LRTM3: variants seen among roughly 807,000 people sequenced by gnomAD.
LRTM3 encodes leucine rich repeat transmembrane protein 3, also known as leucine-rich repeat transmembrane protein 3.
At chr13:102,748,121 C>T in the LRTM3 span, 4 of 1,550,930 alleles carry the variant, frequency 2.6e-6, no homozygotes, top group Non-Finnish European at 3.5e-6. Context: ...TTTTGATATG[C>T]TATGTGTTTC....
the LRTM3 span, chr13:102,759,000 A>C: frequency 4.2e-6 from 4 of 945,708 alleles, no homozygotes; most frequent in African/African-American, 1.7e-5. Flanking sequence ...GCCCTGAAAT[A>C]TAAAACCTCG....
At chr13:102,752,555 G>T in the LRTM3 span, among the ~76,000 whole-genome samples, 5 of 152,132 alleles carry the variant, frequency 3.3e-5, no homozygotes, top group Non-Finnish European at 7.4e-5. Context: ...AGAATTTGGG[G>T]TATTTTAGGC....
chr13:102,749,201 GT>G, the LRTM3 span: 2 of 1,550,422 alleles, frequency 1.3e-6, no homozygotes, highest in Non-Finnish European at 1.7e-6. Flanking sequence ...TGAAGTTGGT[GT>G]TTTTTTGGCT....
chr13:102,732,291 T>A, the LRTM3 span: 1 of 1,551,352 alleles, frequency 6.4e-7, no homozygotes, highest in Non-Finnish European at 8.7e-7. Flanking sequence ...ACATCTTTAC[T>A]CCACGAAGCT....
the LRTM3 span, chr13:102,749,894 C>T: frequency 6.4e-7 from 1 of 1,551,424 alleles, no homozygotes; most frequent in Non-Finnish European, 8.7e-7. Context: ...ATAAGTAGTT[C>T]TGCTCCCTAA....
the LRTM3 span, chr13:102,742,351 T>A: frequency 2.6e-6 from 4 of 1,548,190 alleles, no homozygotes; most frequent in Non-Finnish European, 3.5e-6. Context: ...GTCTTATGAT[T>A]TTAGGAGAAA....
At chr13:102,738,989 T>A in the LRTM3 span, 1 of 1,550,516 alleles carries the variant, frequency 6.4e-7, no homozygotes, top group Non-Finnish European at 8.7e-7. Flanking sequence ...TAAACTATCA[T>A]CAATTGGCTG....
At chr13:102,738,226 G>A in the LRTM3 span, 129 of 1,550,272 alleles carry the variant, frequency 8.3e-5, no homozygotes, top group African/African-American at 1.2e-3. Context: ...TTACTTCATC[G>A]TCTTCTTTCT....
chr13:102,754,587 A>G, the LRTM3 span, among the ~76,000 whole-genome samples: 2,493 of 152,222 alleles, frequency 0.016, 87 homozygotes, highest in African/African-American at 0.058. Flanking sequence ...AACCACTCAT[A>G]TATGTTTAAA....
chr13:102,733,176 C>T, the LRTM3 span: 1 of 1,551,460 alleles, frequency 6.4e-7, no homozygotes, highest in Non-Finnish European at 8.7e-7. Flanking sequence ...TGCCCATGTT[C>T]ACACCGTCGG....
chr13:102,730,929 G>T, the LRTM3 span: 2 of 1,551,348 alleles, frequency 1.3e-6, no homozygotes, highest in South Asian at 2.4e-5. Flanking sequence ...AAACCAGGAT[G>T]AATACAGTTA....
the LRTM3 span, among the ~76,000 whole-genome samples, chr13:102,752,460 T>C: frequency 1.3e-5 from 2 of 152,194 alleles, no homozygotes; most frequent in Non-Finnish European, 2.9e-5. Flanking sequence ...GGCTGCAACC[T>C]TTTATGAGCG....
the LRTM3 span, chr13:102,736,142 G>A: frequency 3.2e-6 from 5 of 1,543,084 alleles, no homozygotes; most frequent in Non-Finnish European, 4.4e-6. Context: ...GCTTTTTCCT[G>A]CACCTGATGA....
chr13:102,739,545 T>C, the LRTM3 span: 4 of 1,550,324 alleles, frequency 2.6e-6, no homozygotes, highest in African/African-American at 1.4e-5. Context: ...AGTTTCATAC[T>C]TGATTTACCT....
At chr13:102,736,967 T>C in the LRTM3 span, 1 of 1,551,136 alleles carries the variant, frequency 6.4e-7, no homozygotes, top group Non-Finnish European at 8.7e-7. Flanking sequence ...TTTGTCTAAT[T>C]TACAGTGAGA....
chr13:102,738,564 T>A, the LRTM3 span: 1 of 1,550,704 alleles, frequency 6.4e-7, no homozygotes, highest in South Asian at 1.2e-5. Context: ...ATTTTTTCCA[T>A]TTTTTGCCTC....
At chr13:102,729,502 T>C in the LRTM3 span, 2 of 1,467,840 alleles carry the variant, frequency 1.4e-6, no homozygotes, top group Non-Finnish European at 9.0e-7. Context: ...CCAACAACTT[T>C]TTGGAGGAAC....
chr13:102,748,298 T>C, the LRTM3 span: 8 of 1,551,222 alleles, frequency 5.2e-6, no homozygotes, highest in African/African-American at 9.6e-5. Flanking sequence ...TGGTTTACTT[T>C]CCTTCAGATT....
the LRTM3 span, chr13:102,758,564 A>T: frequency 0.48 from 745,936 of 1,542,072 alleles, 186,405 homozygotes; most frequent in Admixed American, 0.51. Context: ...CTTTTGGGGC[A>T]ACTGTCTTCC....
Sources: allele counts gnomAD v4.1 joint callset (sites outside exome capture counted in the v4.1 genomes callset), GRCh38; gene constraint gnomAD v4.1.1; transcripts MANE v1.5; gene names NCBI Gene and HGNC (gene_info 2026-07-23, HGNC 2026-07-21).